The following TMEM192 variants were observed in gnomAD, a reference collection of about 807,000 sequenced individuals.
The protein encoded by TMEM192 is transmembrane protein 192.
TMEM192 carries 20 observed loss-of-function variants against 26.7 expected under a neutral mutation model. The observed-to-expected ratio is 0.75, with a 90% confidence interval of 0.53 to 1.09. The LOEUF is 1.09. TMEM192 is among the 50% of genes least tolerant of loss of function. TMEM192 has a pLI of 0.00. For missense variants in TMEM192, 304 were observed against 322.6 expected (o/e 0.94, Z 0.44); for synonymous variants, 124 against 121.0 (o/e 1.02, Z -0.16).
intron 4 of TMEM192, 142 bp downstream of exon 4, chr4:165,088,326 G>A (rs931397298): frequency 1.5e-6 from 1 of 653,014 alleles, no homozygotes; most frequent in African/African-American, 1.9e-5. Context: ...CCTTCCTGTT[G>A]GTTTGAAATT....
chr4:165,100,379 C>T (rs1233965942), intron 3 of TMEM192, among the ~76,000 whole-genome samples: 3 of 151,980 alleles, frequency 2.0e-5, no homozygotes, highest in African/African-American at 7.2e-5. Flanking sequence ...AGGATGGTCT[C>T]GATCTCCTGA....
chr4:165,087,421 A>G (rs943939003), intron 4 of TMEM192, among the ~76,000 whole-genome samples: 6 of 152,170 alleles, frequency 3.9e-5, no homozygotes, highest in African/African-American at 1.4e-4. Flanking sequence ...CTGATCACCA[A>G]TCCTATCCAG....
At chr4:165,110,475 T>G (rs1735268991) in intron 1 of TMEM192, among the ~76,000 whole-genome samples, 2 of 152,300 alleles carry the variant, frequency 1.3e-5, no homozygotes, top group Middle Eastern at 3.4e-3. Flanking sequence ...ATCCCAACAC[T>G]TTGGGAGGCC....
chr4:165,086,219 G>A (rs753453290), intron 4 of TMEM192, among the ~76,000 whole-genome samples: 1 of 152,100 alleles, frequency 6.6e-6, no homozygotes, highest in Non-Finnish European at 1.5e-5. Flanking sequence ...AGAGGATAGA[G>A]TTTGAGCCCA....
rs1411761433 is a variant in TMEM192 at position 165,078,567 on chromosome 4, T to C, written c.*1091A>G. On this transcript the variant is annotated 3_prime_UTR_variant, in exon 6 of 6. Transcript: ENST00000306480. ...AAAATTATAGAAGATGCCTTTCCTA[T>C]AATTGAAGTTATTGATCAATTGAAG... 2 of 152,240 alleles carry C rather than the reference T, an allele frequency of 1.3e-5. No homozygotes were observed. The highest frequency in any genetic ancestry group is 4.8e-5 in the African/African-American group (2 of 41,466). 9.4% of individuals were successfully genotyped at this position (152,240 alleles called of 1,614,324 possible). A position where few individuals can be genotyped will look rare whatever the true frequency, so the allele number is the denominator to read the frequency against.
chr4:165,092,227 T>C (rs1734783575), intron 3 of TMEM192, among the ~76,000 whole-genome samples: 1 of 148,970 alleles, frequency 6.7e-6, no homozygotes, highest in Non-Finnish European at 1.5e-5. Context: ...GTTCAAGTGA[T>C]TATCCTGCCT....
At chr4:165,097,585 T>TTTG (rs1553989116) in intron 3 of TMEM192, among the ~76,000 whole-genome samples, 1 of 140,262 alleles carries the variant, frequency 7.1e-6, no homozygotes, top group Admixed American at 7.3e-5. Context: ...TTTTTTTTTT[T>TTTG]GGAGAAAAAA....
At chr4:165,108,412 C>T (rs1326772751) in intron 1 of TMEM192, among the ~76,000 whole-genome samples, 3 of 152,154 alleles carry the variant, frequency 2.0e-5, no homozygotes, top group African/African-American at 7.2e-5. Flanking sequence ...TGAGCCACCG[C>T]ACCCGGCCAT....
chr4:165,085,530 GT>G, intron 5 of TMEM192, 55 bp downstream of exon 5: 1 of 1,154,964 alleles, frequency 8.7e-7, no homozygotes, highest in South Asian at 1.3e-5. Flanking sequence ...CATCAGAATG[GT>G]TTCTAGCTTT....
Position 165,091,764 on chromosome 4 carries a change from G to A in TMEM192, c.440-3162C>T, listed in dbSNP as rs77255424. Among the ~76,000 whole-genome samples the A allele has an allele frequency of 1.2e-4, 19 of 152,278 alleles. No homozygotes were observed. The East Asian group carries it at 3.5e-3, about 28-fold the overall frequency. ...TGGACTTTCTTAAAAACTTAGGAAT[G>A]ATTTTTTGCTTTACAGAATTATTGA... On this transcript the variant is annotated intron_variant, in intron 3 of 5. Coordinates refer to ENST00000306480, the MANE Select transcript of TMEM192 (RefSeq NM_001100389.2).
intron 3 of TMEM192, 25 bp from the exon 4 acceptor site, chr4:165,088,627 A>C (rs1734681723): frequency 6.3e-7 from 1 of 1,599,402 alleles, no homozygotes. Flanking sequence ...CATAAAACAC[A>C]GCATGTGATG....
At position 165,079,811 on chromosome 4, in the gene TMEM192, G is replaced by T. The variant is rs373709632; in HGVS notation, c.678-15C>A. 6 of 1,612,082 alleles carry T rather than the reference G, an allele frequency of 3.7e-6. No homozygotes were observed. In the South Asian group the frequency reaches 6.6e-5, roughly 18 times the overall value. Reference sequence around the variant, plus strand: ...TTGAAATAGTTCTGCAAGTAATCAAGATATAAATGGGTTACACATATTCAC... The same window carrying T: ...TTGAAATAGTTCTGCAAGTAATCAATATATAAATGGGTTACACATATTCAC... On this transcript the variant is annotated splice_polypyrimidine_tract_variant and intron_variant, in intron 5 of 5. Coordinates refer to ENST00000306480, the MANE Select transcript of TMEM192 (RefSeq NM_001100389.2).
rs918419955 is a variant in TMEM192 at position 165,075,150 on chromosome 4, C to T, written c.*4508G>A. 1.3e-5 allele frequency: 2 copies of T among 152,152 alleles called. No individual in the cohort carries two copies. Among genetic ancestry groups the T allele is most frequent in the African/African-American group, 4.8e-5 (2 of 41,436 alleles). The allele number at this position is 152,152 out of a possible 1,614,324, so 9.4% of individuals were successfully genotyped here. The stretch of plus-strand genomic sequence containing the variant: ...ATCCCAGCATTTTGGGAGGCCAAAG[C>T]AGGTGGATCACCTGAGGTAAGGAAT... On this transcript the variant is annotated 3_prime_UTR_variant, in exon 6 of 6. Transcript: ENST00000306480.
intron 1 of TMEM192, among the ~76,000 whole-genome samples, chr4:165,107,276 C>A (rs1735183685): frequency 1.3e-5 from 2 of 151,894 alleles, no homozygotes; most frequent in South Asian, 4.1e-4. Context: ...CCACCCTCAG[C>A]CTCCCAAAGT....
rs1375273723 is a variant in TMEM192 at position 165,088,487 on chromosome 4, T to C, written c.555A>G (p.Ile185Met). The change falls in exon 4 of 6, where the codon ATA becomes ATG. Residue 185 changes from isoleucine to methionine, a missense_variant. Physicochemically the swap from Ile to Met is conservative, Grantham distance 10 (BLOSUM62 1). Transcript: ENST00000306480. ...TCTCACCTGTGTAAATGAGGAGACA[T>C]ATCAGGGAACAGATGAGTTCCAGTG... ...ILALELICSL[I>M]CLLIYTVKIR... The C allele has an allele frequency of 6.8e-6, 11 of 1,613,416 alleles. No individual in the cohort carries two copies. Among genetic ancestry groups the C allele is most frequent in the African/African-American group, 2.7e-5 (2 of 74,882 alleles).
At position 165,089,482 on chromosome 4, in the gene TMEM192, C is replaced by T. The variant is rs551791198; in HGVS notation, c.440-880G>A. On this transcript the variant is annotated intron_variant, in intron 3 of 5. Transcript: ENST00000306480. ...GACTACAGGCGCCCGCCACCACGCC[C>T]GGCTAATTTTTAAAATATTTTTAGT... Among the ~76,000 whole-genome samples the T allele has an allele frequency of 5.9e-5, 9 of 152,178 alleles. No individual in the cohort carries two copies. In the East Asian group the frequency reaches 1.2e-3, roughly 20 times the overall value.
In TMEM192 at chr4:165,100,828, T is replaced by C; in HGVS notation, c.239A>G (p.Asp80Gly). The C allele has an allele frequency of 3.1e-6, 5 of 1,614,140 alleles. No individual in the cohort carries two copies. Among genetic ancestry groups the C allele is most frequent in the Non-Finnish European group, 4.2e-6 (5 of 1,180,022 alleles). The change falls in exon 3 of 6, where the codon GAC becomes GGC. Residue 80 changes from aspartate (D) to glycine (G), a missense_variant. Coordinates refer to ENST00000306480, the MANE Select transcript of TMEM192 (RefSeq NM_001100389.2). Reference protein sequence around the residue: ...VLCSYPNPNEDKCPGNYTNPL... With the variant: ...VLCSYPNPNEGKCPGNYTNPL... Reference sequence around the variant, plus strand: ...GTTTGTGTAATTTCCTGGGCACTTGTCCTCATTTGGATTAGGATAAGAACA... The same window carrying C: ...GTTTGTGTAATTTCCTGGGCACTTGCCCTCATTTGGATTAGGATAAGAACA...
chr4:165,105,564 G>GC (rs1735142746), intron 1 of TMEM192, among the ~76,000 whole-genome samples: 1 of 152,206 alleles, frequency 6.6e-6, no homozygotes, highest in South Asian at 2.1e-4. Context: ...CACTACACAT[G>GC]CAAGTCCTCA....
intron 4 of TMEM192, among the ~76,000 whole-genome samples, 159 bp from the exon 5 acceptor site, chr4:165,085,847 A>G (rs75460684): frequency 1.3e-5 from 2 of 152,218 alleles, no homozygotes; most frequent in Non-Finnish European, 2.9e-5. Context: ...TAGGGATTAC[A>G]TTAGTATTGA....
Sources: allele counts gnomAD v4.1 joint callset (sites outside exome capture counted in the v4.1 genomes callset), GRCh38; gene constraint gnomAD v4.1.1; transcripts MANE v1.5; gene names NCBI Gene and HGNC (gene_info 2026-07-23, HGNC 2026-07-21).